MINDY3: variants seen among roughly 807,000 people sequenced by gnomAD.
MINDY3 encodes the protein MINDY lysine 48 deubiquitinase 3.
MINDY3 carries 38 observed loss-of-function variants against 69.2 expected under a neutral mutation model. The observed-to-expected ratio is 0.55, with a 90% confidence interval of 0.42 to 0.72. The LOEUF is 0.72. Among genes scored for constraint, MINDY3 ranks in the 30% least tolerant of loss-of-function variants. The pLI, the probability that MINDY3 is intolerant of heterozygous loss-of-function variation, is 0.00. For missense variants in MINDY3, 522 were observed against 519.0 expected (o/e 1.01, Z -0.06); for synonymous variants, 192 against 180.1 (o/e 1.07, Z -0.53).
chr10:15,834,627 A>G lies in MINDY3; in HGVS notation c.577-11T>C, dbSNP rs200661001. 1.9e-6 allele frequency: 3 copies of G among 1,588,742 alleles called. No homozygotes were observed. The East Asian group carries it at 6.7e-5, about 36-fold the overall frequency. On this transcript the variant is annotated splice_polypyrimidine_tract_variant and intron_variant, in intron 6 of 14. Transcript: ENST00000277632. The stretch of plus-strand genomic sequence containing the variant: ...TATGTTTTCAATGCCCTAAAGAAAC[A>G]GAATTCATTGACTTATTTTAAAAAA...
intron 1 of MINDY3, among the ~76,000 whole-genome samples, chr10:15,851,392 C>G (rs1834287370): frequency 6.6e-6 from 1 of 152,058 alleles, no homozygotes; most frequent in Non-Finnish European, 1.5e-5. Context: ...CTGCATCTCC[C>G]TCTTCACCCT....
chr10:15,829,204 G>A (rs997717316), intron 8 of MINDY3, among the ~76,000 whole-genome samples: 1 of 152,204 alleles, frequency 6.6e-6, no homozygotes, highest in African/African-American at 2.4e-5. Flanking sequence ...TAAGTGGAGA[G>A]ACATTAAATG....
At chr10:15,831,167 TGAG>T (rs1045692112) in intron 8 of MINDY3, among the ~76,000 whole-genome samples, 7 of 152,120 alleles carry the variant, frequency 4.6e-5, no homozygotes, top group African/African-American at 1.7e-4. Flanking sequence ...AAAGGAGTTA[TGAG>T]GAGTAGAAAA....
intron 1 of MINDY3, among the ~76,000 whole-genome samples, chr10:15,858,962 T>C (rs1162885371): frequency 6.6e-6 from 1 of 152,134 alleles, no homozygotes; most frequent in African/African-American, 2.4e-5. Flanking sequence ...TCATTACATG[T>C]AGGGTTTGGG....
rs762814699 is a variant in MINDY3 at position 15,779,074 on chromosome 10, G to C, written c.1256C>G (p.Thr419Ser). ...FEDPMLQTDDTPIKRCLQTKW... is the reference protein window; with the variant it reads ...FEDPMLQTDDSPIKRCLQTKW... Reference sequence around the variant, plus strand: ...GGTTTGCAGACAGCGTTTAATAGGAGTGTCATCTGTCTGTAGCATGGGATC... The same window carrying C: ...GGTTTGCAGACAGCGTTTAATAGGACTGTCATCTGTCTGTAGCATGGGATC... The change falls in exon 15 of 15, where the codon ACT (threonine) becomes AGT (serine). Residue 419 changes from threonine (T) to serine (S), a missense_variant. Thr to Ser is a moderately conservative substitution (Grantham distance 58, BLOSUM62 1). Coordinates refer to ENST00000277632, the MANE Select transcript of MINDY3 (RefSeq NM_024948.4). 20 of 1,613,428 alleles carry C rather than the reference G, an allele frequency of 1.2e-5. No homozygotes were observed. Among genetic ancestry groups the C allele is most frequent in the South Asian group, 5.5e-5 (5 of 91,060 alleles).
chr10:15,795,359 T>C (rs1837734843), intron 11 of MINDY3, among the ~76,000 whole-genome samples: 1 of 151,998 alleles, frequency 6.6e-6, no homozygotes, highest in Non-Finnish European at 1.5e-5. Flanking sequence ...AGCAGATCAC[T>C]AAGTGTACAA....
At chr10:15,849,600 A>G (rs1834129604) in intron 1 of MINDY3, among the ~76,000 whole-genome samples, 1 of 152,168 alleles carries the variant, frequency 6.6e-6, no homozygotes, top group South Asian at 2.1e-4. Context: ...TAAAAATAAG[A>G]TTTATTTACT....
Position 15,845,298 on chromosome 10 carries a change from G to C in MINDY3, c.175-2026C>G, listed in dbSNP as rs992530144. On this transcript the variant is annotated intron_variant, in intron 2 of 14. Transcript: ENST00000277632. ...GACAAATTCCTGGTAAATTGTGACAGGTAATGAGGTCTATGATTGTATTAT... is the reference window on the plus strand; with the variant it reads ...GACAAATTCCTGGTAAATTGTGACACGTAATGAGGTCTATGATTGTATTAT... Among the ~76,000 whole-genome samples, 12 of 152,012 alleles carry C rather than the reference G, an allele frequency of 7.9e-5. 1 individual carries two copies. The highest frequency in any genetic ancestry group is 7.8e-4 in the Admixed American group (12 of 15,288).
chr10:15,808,247 C>A (rs908751398), intron 10 of MINDY3, among the ~76,000 whole-genome samples: 1 of 152,108 alleles, frequency 6.6e-6, no homozygotes, highest in African/African-American at 2.4e-5. Context: ...TCCCTATTTC[C>A]TTTCTGTATT....
chr10:15,853,363 A>T (rs1281019358), intron 1 of MINDY3, among the ~76,000 whole-genome samples: 1 of 152,092 alleles, frequency 6.6e-6, no homozygotes, highest in African/African-American at 2.4e-5. Context: ...AAACTAAGAT[A>T]TGATTTGCCC....
At chr10:15,788,613 G>A (rs1158588528) in intron 12 of MINDY3, among the ~76,000 whole-genome samples, 1 of 152,060 alleles carries the variant, frequency 6.6e-6, no homozygotes, top group Non-Finnish European at 1.5e-5. Flanking sequence ...ATCAATACAT[G>A]TATCCACTTA....
intron 1 of MINDY3, among the ~76,000 whole-genome samples, chr10:15,855,337 T>C (rs577287467): frequency 1.3e-4 from 20 of 152,184 alleles, no homozygotes; most frequent in African/African-American, 4.8e-4. Context: ...AGACTTCTCT[T>C]TTCATAATAA....
At chr10:15,802,828 GT>G (rs1838360232) in intron 10 of MINDY3, among the ~76,000 whole-genome samples, 1 of 151,598 alleles carries the variant, frequency 6.6e-6, no homozygotes, top group Non-Finnish European at 1.5e-5. Context: ...AAAAAATCAT[GT>G]TTTGCTCTTT....
chr10:15,780,507 C>T (rs1836442903), intron 14 of MINDY3, among the ~76,000 whole-genome samples: 1 of 152,140 alleles, frequency 6.6e-6, no homozygotes, highest in Admixed American at 6.5e-5. Context: ...GTACTCATGT[C>T]ATTAGAGCAG....
chr10:15,836,175 C>G (rs373767536), intron 6 of MINDY3, among the ~76,000 whole-genome samples: 6 of 152,110 alleles, frequency 3.9e-5, no homozygotes, highest in African/African-American at 1.2e-4. Flanking sequence ...CTACTTAGAG[C>G]TCCCCAAACC....
At position 15,860,255 on chromosome 10, in the gene MINDY3, G is replaced by A. The variant is rs1381592693; in HGVS notation, c.45C>T (p.Thr15=). 1.2e-6 allele frequency: 2 copies of A among 1,610,928 alleles called. No homozygotes were observed. Among genetic ancestry groups the A allele is most frequent in the Non-Finnish European group, 1.7e-6 (2 of 1,178,774 alleles). Residue 15 remains threonine, a synonymous_variant, in exon 1 of 15, where the codon ACC becomes ACT. Transcript: ENST00000277632. ...TKELMELVWG[T]KSSPGLSDTI... is the part of the protein sequence containing the mutation. Reference sequence around the variant, plus strand: ...TGTCCGAGAGACCGGGGCTGCTCTTGGTGCCCCACACCAGCTCCATCAGCT... The same window carrying A: ...TGTCCGAGAGACCGGGGCTGCTCTTAGTGCCCCACACCAGCTCCATCAGCT...
At chr10:15,845,756 C>T (rs1357788402) in intron 2 of MINDY3, among the ~76,000 whole-genome samples, 2 of 151,268 alleles carry the variant, frequency 1.3e-5, no homozygotes, top group Non-Finnish European at 2.9e-5. Context: ...ATCCTCTTCC[C>T]TCAGCCTCCC....
rs775112191 is a variant in MINDY3 at position 15,779,071 on chromosome 10, G to C, written c.1259C>G (p.Pro420Arg). Residue 420 changes from proline (P) to arginine (R), a missense_variant, in exon 15 of 15, where the codon CCT becomes CGT. By Grantham distance (103) the Pro-to-Arg change is moderately radical. Transcript: ENST00000277632. ...TTTGGTTTGCAGACAGCGTTTAATA[G>C]GAGTGTCATCTGTCTGTAGCATGGG... ...EDPMLQTDDTPIKRCLQTKWP... is the reference protein window; with the variant it reads ...EDPMLQTDDTRIKRCLQTKWP... 6.2e-7 allele frequency: 1 copy of C among 1,613,564 alleles called. No homozygotes were observed.
Position 15,860,174 on chromosome 10 carries a change from C to A in MINDY3, c.94+32G>T, listed in dbSNP as rs369224339. On this transcript the variant is annotated intron_variant, in intron 1 of 14. Transcript: ENST00000277632. The stretch of plus-strand genomic sequence containing the variant: ...GACTCTCGCAGGGCAAAAGAAGCAG[C>A]GGCTGCAAGTGTGAGAGCCCCGCCA... The A allele has an allele frequency of 6.2e-5, 94 of 1,517,884 alleles. 1 individual carries two copies. The East Asian group carries it at 1.1e-3, about 18-fold the overall frequency. 94.0% of individuals were successfully genotyped at this position (1,517,884 alleles called of 1,614,324 possible). A position where few individuals can be genotyped will look rare whatever the true frequency, so the allele number is the denominator to read the frequency against.
Sources: allele counts gnomAD v4.1 joint callset (sites outside exome capture counted in the v4.1 genomes callset), GRCh38; gene constraint gnomAD v4.1.1; transcripts MANE v1.5; gene names NCBI Gene and HGNC (gene_info 2026-07-23, HGNC 2026-07-21).